LDHAL6A: variants seen among roughly 807,000 people sequenced by gnomAD.
LDHAL6A encodes lactate dehydrogenase A like 6A.
In LDHAL6A, 19 loss-of-function variants were observed where a neutral mutation model predicts 28.2. The ratio of observed to expected loss-of-function variants is 0.67; its 90% CI spans 0.47 to 0.99. The LOEUF (loss-of-function observed/expected upper bound fraction) is 0.99, where lower values mean the gene tolerates loss of function less well. LDHAL6A is among the 50% of genes least tolerant of loss of function. The probability of loss-of-function intolerance (pLI) is 0.00; values close to 1 mark genes in which losing one functional copy is unlikely to be tolerated. For missense variants in LDHAL6A, 372 were observed against 398.6 expected (o/e 0.93, Z 0.57); for synonymous variants, 144 against 134.4 (o/e 1.07, Z -0.49).
Position 18,477,688 on chromosome 11 carries a change from CAG to C in LDHAL6A, c.781_782del (p.Glu261LysfsTer7), listed in dbSNP as rs751435037. The C allele has an allele frequency of 2.7e-5, 44 of 1,613,050 alleles. No individual in the cohort carries two copies. The South Asian group carries it at 2.7e-4, about 10-fold the overall frequency. On this transcript the variant is annotated frameshift_variant, in exon 6 of 7. Transcript: ENST00000280706. LOFTEE classifies it high-confidence loss of function. Reference sequence around the variant, plus strand: ...ATTAGCCTATCTGTAGCTGATTTAACAGAAAGTATTTTGAAGAATCTTAGGAG... The same window carrying C: ...ATTAGCCTATCTGTAGCTGATTTAACAAAGTATTTTGAAGAATCTTAGGAG...
chr11:18,478,676 A>T, intron 6 of LDHAL6A, 30 bp from the exon 7 acceptor site: 1 of 1,566,386 alleles, frequency 6.4e-7, no homozygotes, highest in Non-Finnish European at 8.7e-7. Flanking sequence ...TTTGTTAAAA[A>T]AGGAATAATT....
Position 18,478,971 on chromosome 11 carries a change from AAT to A in LDHAL6A, c.*103_*104del. ...AATTTGAATTTCTAAAAGTTGGAAA[AAT>A]AGAGGAAAGAGTGACCTATTTAGTA... On this transcript the variant is annotated 3_prime_UTR_variant, in exon 7 of 7. Transcript: ENST00000280706. The A allele has an allele frequency of 9.2e-7, 1 of 1,085,284 alleles. No individual in the cohort carries two copies. The highest frequency in any genetic ancestry group is 1.3e-6 in the Non-Finnish European group (1 of 756,130). 67.2% of individuals were successfully genotyped at this position (1,085,284 alleles called of 1,614,324 possible). A position where few individuals can be genotyped will look rare whatever the true frequency, so the allele number is the denominator to read the frequency against.
chr11:18,458,157 A>AG (rs915050033), intron 1 of LDHAL6A, among the ~76,000 whole-genome samples: 3 of 152,066 alleles, frequency 2.0e-5, no homozygotes, highest in Admixed American at 6.6e-5. Flanking sequence ...GGGAGGTTCC[A>AG]GGGCCCAGGA....
At chr11:18,463,706 CAG>C (rs1848981140) in intron 1 of LDHAL6A, among the ~76,000 whole-genome samples, 1 of 152,188 alleles carries the variant, frequency 6.6e-6, no homozygotes. Flanking sequence ...TCACTACTTT[CAG>C]AGATTGTTCT....
chr11:18,466,737 G>A (rs1016209199), intron 3 of LDHAL6A, among the ~76,000 whole-genome samples: 3 of 151,922 alleles, frequency 2.0e-5, no homozygotes, highest in African/African-American at 7.3e-5. Flanking sequence ...TAAAGGCTGA[G>A]GTTTGTTTTC....
chr11:18,463,910 C>T (rs1169169914), intron 1 of LDHAL6A, 51 bp from the exon 2 acceptor site: 2 of 1,136,678 alleles, frequency 1.8e-6, no homozygotes, highest in East Asian at 2.4e-5. Context: ...TTTCATTCTC[C>T]AGTTAATCAA....
chr11:18,469,047 T>C (rs370281855), intron 3 of LDHAL6A: 4 of 439,902 alleles, frequency 9.1e-6, no homozygotes, highest in South Asian at 5.7e-5. Context: ...CATTGTACAA[T>C]AGTATTTTAT....
chr11:18,466,662 A>C (rs1216596789), intron 3 of LDHAL6A, among the ~76,000 whole-genome samples: 2 of 151,776 alleles, frequency 1.3e-5, no homozygotes, highest in African/African-American at 4.8e-5. Context: ...AAAAAAAAAA[A>C]AAAAAAAAAG....
rs757280183 is a variant in LDHAL6A, at chr11:18,475,655, G to A, written c.592+16G>A. 8.8e-6 allele frequency: 14 copies of A among 1,598,448 alleles called. No homozygotes were observed. Among genetic ancestry groups the A allele is most frequent in the African/African-American group, 1.3e-5 (1 of 74,246 alleles). ...GACTCAAGTGGTAAGCCTGAGGCAC[G>A]ATTGAGCCTCTGAAATATCTATTTC... On this transcript the variant is annotated intron_variant, in intron 4 of 6. Coordinates refer to ENST00000280706, the MANE Select transcript of LDHAL6A (RefSeq NM_144972.5).
chr11:18,456,898 T>A, intron 1 of LDHAL6A, 92 bp downstream of exon 1: 1 of 1,359,348 alleles, frequency 7.4e-7, no homozygotes, highest in Non-Finnish European at 9.9e-7. Context: ...TTCAAGGTGG[T>A]GAGTGGGGAG....
intron 1 of LDHAL6A, among the ~76,000 whole-genome samples, chr11:18,458,134 T>G (rs1163950339): frequency 2.0e-5 from 3 of 152,120 alleles, no homozygotes; most frequent in Non-Finnish European, 4.4e-5. Context: ...GAGGGAATTT[T>G]GGGGCTTCTG....
At chr11:18,474,312 C>T (rs1849316531) in intron 3 of LDHAL6A, among the ~76,000 whole-genome samples, 3 of 151,914 alleles carry the variant, frequency 2.0e-5, no homozygotes, top group South Asian at 2.1e-4. Flanking sequence ...CTCCTGACCT[C>T]GTGATCCACC....
chr11:18,469,212 C>G, intron 3 of LDHAL6A: 1 of 637,958 alleles, frequency 1.6e-6, no homozygotes, highest in Non-Finnish European at 2.8e-6. Flanking sequence ...GTTCAGGGCA[C>G]TGAAGTCTGT....
At position 18,476,855 on chromosome 11, in the gene LDHAL6A, T is replaced by C. The variant is rs1488971217; in HGVS notation, c.710+354T>C. Among the ~76,000 whole-genome samples, 9 of 152,178 alleles carry C rather than the reference T, an allele frequency of 5.9e-5. No homozygotes were observed. The East Asian group carries it at 1.7e-3, about 29-fold the overall frequency. On this transcript the variant is annotated intron_variant, in intron 5 of 6. Transcript: ENST00000280706. ...ACTTGTAACTCAAATGTTTAACCAC[T>C]GTGGCAGGGCATGGTGGCTCATGCC...
intron 3 of LDHAL6A, among the ~76,000 whole-genome samples, chr11:18,467,918 T>TATACAC (rs1480735817): frequency 1.0e-4 from 5 of 49,750 alleles, no homozygotes; most frequent in South Asian, 7.8e-4. Flanking sequence ...TATATATATA[T>TATACAC]ACACACACAT....
At chr11:18,459,055 T>A (rs1848829198) in intron 1 of LDHAL6A, among the ~76,000 whole-genome samples, 1 of 152,216 alleles carries the variant, frequency 6.6e-6, no homozygotes, top group South Asian at 2.1e-4. Flanking sequence ...TACCCCACAT[T>A]ACACCTTAGT....
chr11:18,471,483 T>C (rs1327280621), intron 3 of LDHAL6A, among the ~76,000 whole-genome samples: 1 of 152,082 alleles, frequency 6.6e-6, no homozygotes. Flanking sequence ...GTGCTGGGAT[T>C]ACAGACGTGA....
At chr11:18,464,990 TTGTTTTG>T (rs1251871008) in intron 2 of LDHAL6A, among the ~76,000 whole-genome samples, 9 of 137,782 alleles carry the variant, frequency 6.5e-5, no homozygotes, top group South Asian at 2.2e-4. Context: ...TTTTTTTGTT[TTGTTTTG>T]TTTTGGTTTG....
chr11:18,467,910 TATATATATACAC>T (rs1212330073), intron 3 of LDHAL6A, among the ~76,000 whole-genome samples: 33 of 71,576 alleles, frequency 4.6e-4, no homozygotes, highest in South Asian at 1.2e-3. Context: ...TATATATATA[TATATATATACAC>T]ACACATATAT....
Sources: gnomAD v4.1 joint callset for allele counts (sites outside exome capture counted in the v4.1 genomes callset) on GRCh38, gnomAD v4.1.1 for gene constraint, MANE v1.5 for transcripts, NCBI Gene and HGNC (gene_info 2026-07-23, HGNC 2026-07-21) for gene names.